Variants in CSMD1 observed in about 807,000 individuals in gnomAD.
CSMD1 encodes the protein CUB and sushi domain-containing protein 1.
In CSMD1, 213 loss-of-function variants were observed where a neutral mutation model predicts 417.5. That is an observed-to-expected ratio of 0.51 (90% CI 0.46 to 0.57). CSMD1 has a LOEUF of 0.57. Ranked by LOEUF, CSMD1 falls within the 20% of genes least tolerant of loss-of-function variation. CSMD1 has a pLI of 0.00. For synonymous variants in CSMD1, 2,862 were observed against 1,736.8 expected, an observed-to-expected ratio of 1.65 and a Z score of -16.11; for missense variants, 6,923 against 4,529.7, an observed-to-expected ratio of 1.53 and a Z score of -15.17.
chr8:3,633,661 A>C lies in CSMD1; in HGVS notation c.1010-16864T>G, dbSNP rs540934666. 2.8e-3 allele frequency among the ~76,000 whole-genome samples: 422 copies of C among 152,348 alleles called. 1 individual carries two copies. Among genetic ancestry groups the C allele is most frequent in the Non-Finnish European group, 4.8e-3 (325 of 68,034 alleles). On this transcript the variant is annotated intron_variant, in intron 7 of 69. Coordinates refer to ENST00000635120, the MANE Select transcript of CSMD1 (RefSeq NM_033225.6). Reference sequence around the variant, plus strand: ...GTTAATGACATATTTTTCAATCTTAAGACATGAAAATAGTGTATATAAATC... The same window carrying C: ...GTTAATGACATATTTTTCAATCTTACGACATGAAAATAGTGTATATAAATC...
intron 5 of CSMD1, among the ~76,000 whole-genome samples, chr8:3,989,749 G>A (rs1015601710): frequency 1.8e-4 from 27 of 152,298 alleles, no homozygotes; most frequent in Middle Eastern, 3.4e-3. Flanking sequence ...GGTGGGAAAC[G>A]CTAATGTTCT....
chr8:3,226,967 T>C (rs1042035516), intron 27 of CSMD1, among the ~76,000 whole-genome samples: 3 of 152,178 alleles, frequency 2.0e-5, no homozygotes, highest in Non-Finnish European at 2.9e-5. Flanking sequence ...ATTATTAATT[T>C]AAAATGCCAA....
chr8:3,921,738 C>G (rs1275601932), intron 5 of CSMD1, among the ~76,000 whole-genome samples: 3 of 152,060 alleles, frequency 2.0e-5, no homozygotes, highest in Non-Finnish European at 4.4e-5. Flanking sequence ...ATATAAGAGT[C>G]AGGAAAGTTA....
intron 1 of CSMD1, among the ~76,000 whole-genome samples, chr8:4,670,417 G>A (rs147245020): frequency 2.4e-4 from 36 of 152,240 alleles, no homozygotes; most frequent in African/African-American, 6.5e-4. Flanking sequence ...GAAAATGTGT[G>A]TTTTGGATAG....
chr8:4,826,323 A>G (rs572495252), intron 1 of CSMD1, among the ~76,000 whole-genome samples: 9 of 152,090 alleles, frequency 5.9e-5, no homozygotes, highest in East Asian at 5.8e-4. Context: ...GTGTGTGTGT[A>G]TATATACATA....
intron 3 of CSMD1, among the ~76,000 whole-genome samples, chr8:4,184,953 T>C (rs995725688): frequency 1.3e-5 from 2 of 151,764 alleles, no homozygotes; most frequent in Non-Finnish European, 2.9e-5. Flanking sequence ...GCCTCCCCAA[T>C]GTGGTGAAAC....
chr8:4,597,561 A>G (rs913356516), intron 2 of CSMD1, among the ~76,000 whole-genome samples: 4 of 152,210 alleles, frequency 2.6e-5, no homozygotes, highest in African/African-American at 7.2e-5. Context: ...CTTATTTCCC[A>G]AAACAATGCA....
chr8:4,200,700 A>G (rs1799595251), intron 3 of CSMD1, among the ~76,000 whole-genome samples: 2 of 152,092 alleles, frequency 1.3e-5, no homozygotes, highest in South Asian at 4.2e-4. Flanking sequence ...TACAAAACAT[A>G]ACAATTAAAA....
At chr8:3,740,658 G>T (rs983980728) in intron 6 of CSMD1, among the ~76,000 whole-genome samples, 1 of 152,172 alleles carries the variant, frequency 6.6e-6, no homozygotes, top group Non-Finnish European at 1.5e-5. Context: ...CTGGGATGTA[G>T]ATTTTACGAG....
At chr8:3,439,309 A>ATATATATATATATATATATTTTTT in intron 12 of CSMD1, among the ~76,000 whole-genome samples, 21 of 62,414 alleles carry the variant, frequency 3.4e-4, no homozygotes, top group African/African-American at 1.1e-3. Context: ...ATATATATAT[A>ATATATATATATATATATATTTTTT]TTTTTTTTTT....
intron 1 of CSMD1, among the ~76,000 whole-genome samples, chr8:4,746,913 C>T (rs1182923270): frequency 6.6e-6 from 1 of 152,176 alleles, no homozygotes; most frequent in African/African-American, 2.4e-5. Context: ...AATTGTGGGA[C>T]ACTCTAGTGT....
At chr8:4,439,763 G>T (rs1169753878) in intron 2 of CSMD1, among the ~76,000 whole-genome samples, 1 of 152,132 alleles carries the variant, frequency 6.6e-6, no homozygotes, top group Admixed American at 6.5e-5. Context: ...GTTACTAATG[G>T]AGAATCCTAA....
chr8:4,567,036 C>T (rs548475505), intron 2 of CSMD1, among the ~76,000 whole-genome samples: 1 of 152,084 alleles, frequency 6.6e-6, no homozygotes, highest in East Asian at 1.9e-4. Context: ...TGGCGTCCTA[C>T]GGAGAAGTAT....
At chr8:4,732,831 C>T (rs1360019847) in intron 1 of CSMD1, among the ~76,000 whole-genome samples, 1 of 152,146 alleles carries the variant, frequency 6.6e-6, no homozygotes, top group African/African-American at 2.4e-5. Context: ...CTTGGAACTT[C>T]TTTGCAGGCT....
intron 6 of CSMD1, among the ~76,000 whole-genome samples, chr8:3,724,493 T>TA (rs1410065614): frequency 6.6e-6 from 1 of 152,118 alleles, no homozygotes; most frequent in Non-Finnish European, 1.5e-5. Flanking sequence ...ATATAACCTT[T>TA]AAAAAATGAA....
At chr8:3,990,125 A>G (rs112647890) in intron 5 of CSMD1, among the ~76,000 whole-genome samples, 1,959 of 152,328 alleles carry the variant, frequency 0.013, 53 homozygotes, top group African/African-American at 0.045. Flanking sequence ...AAATTTATTT[A>G]ACAGCGTTAA....
intron 3 of CSMD1, among the ~76,000 whole-genome samples, chr8:4,140,648 A>G (rs562770251): frequency 6.6e-6 from 1 of 151,028 alleles, no homozygotes; most frequent in East Asian, 1.9e-4. Context: ...AGGCTGGGCA[A>G]CAGAGCAAGA....
At chr8:4,263,531 T>C (rs936793971) in intron 3 of CSMD1, among the ~76,000 whole-genome samples, 1 of 152,224 alleles carries the variant, frequency 6.6e-6, no homozygotes, top group Non-Finnish European at 1.5e-5. Context: ...TGGCACTTGA[T>C]ATTAGCTACT....
intron 1 of CSMD1, among the ~76,000 whole-genome samples, chr8:4,956,537 AAT>A (rs1424206737): frequency 2.7e-5 from 4 of 147,642 alleles, no homozygotes; most frequent in East Asian, 1.9e-4. Flanking sequence ...TATATTATAA[AAT>A]ATATGTGTAT....
Sources: allele counts gnomAD v4.1 joint callset (sites outside exome capture counted in the v4.1 genomes callset), GRCh38; gene constraint gnomAD v4.1.1; transcripts MANE v1.5; gene names NCBI Gene and HGNC (gene_info 2026-07-23, HGNC 2026-07-21).